Variants in KLRG1 observed in about 807,000 individuals in gnomAD.
The protein encoded by KLRG1 is killer cell lectin like receptor G1.
In KLRG1, 16 loss-of-function variants were observed where a neutral mutation model predicts 21.8. That is an observed-to-expected ratio of 0.73 (90% CI 0.50 to 1.11). The LOEUF (loss-of-function observed/expected upper bound fraction) is 1.11, where lower values mean the gene tolerates loss of function less well. KLRG1 is among the 50% of genes most tolerant of loss of function. The pLI is 0.00. For synonymous variants in KLRG1, 69 were observed against 75.9 expected, an observed-to-expected ratio of 0.91 and a Z score of 0.47; for missense variants, 173 against 218.3, an observed-to-expected ratio of 0.79 and a Z score of 1.31.
At chr12:9,161,748 T>C in the KLRG1 span, among the ~76,000 whole-genome samples, 1 of 152,200 alleles carries the variant, frequency 6.6e-6, no homozygotes, top group Non-Finnish European at 1.5e-5. Flanking sequence ...ACTGTGGACA[T>C]AGAACTAATA....
At chr12:9,193,688 T>C in the KLRG1 span, among the ~76,000 whole-genome samples, 2 of 152,178 alleles carry the variant, frequency 1.3e-5, no homozygotes, top group Non-Finnish European at 2.9e-5. Context: ...GGGAAATCTT[T>C]TGATCATCGT....
At chr12:9,098,578 C>T in the KLRG1 span, 154 of 1,575,876 alleles carry the variant, frequency 9.8e-5, 3 homozygotes, top group South Asian at 1.6e-3. Context: ...CACGGCCCTT[C>T]TTGATTCCTG....
the KLRG1 span, chr12:9,169,889 G>A: frequency 1.4e-5 from 3 of 211,104 alleles, no homozygotes; most frequent in Admixed American, 5.8e-5. Context: ...GAAAGAAGAC[G>A]TAACTTGCAT....
At chr12:9,200,355 G>T in the KLRG1 span, 4 of 1,564,946 alleles carry the variant, frequency 2.6e-6, no homozygotes, top group Non-Finnish European at 8.8e-7. Flanking sequence ...TAAAAACAAT[G>T]TAACTCACTC....
chr12:9,002,874 A>G (rs1043071733), intron 3 of KLRG1, among the ~76,000 whole-genome samples: 1 of 150,110 alleles, frequency 6.7e-6, no homozygotes. Context: ...ACCGATTTGT[A>G]CTTTCATGCT....
At chr12:9,071,747 T>A in the KLRG1 span, among the ~76,000 whole-genome samples, 2 of 152,306 alleles carry the variant, frequency 1.3e-5, no homozygotes, top group East Asian at 3.9e-4. Flanking sequence ...TCCATCTCCA[T>A]CCATGTTCCT....
intron 1 of KLRG1, among the ~76,000 whole-genome samples, chr12:8,980,987 C>G (rs1215864092): frequency 2.0e-5 from 3 of 152,178 alleles, no homozygotes; most frequent in Admixed American, 2.0e-4. Context: ...AAAATGCTTT[C>G]TACACTTTTC....
At chr12:9,163,516 G>T in the KLRG1 span, 2 of 839,728 alleles carry the variant, frequency 2.4e-6, no homozygotes, top group Non-Finnish European at 3.5e-6. Context: ...AGCTGGCAAT[G>T]TTGTCTGCTG....
At chr12:8,955,750 A>G (rs1000746198) in intron 1 of KLRG1, among the ~76,000 whole-genome samples, 1 of 151,926 alleles carries the variant, frequency 6.6e-6, no homozygotes, top group African/African-American at 2.4e-5. Context: ...AGAACTTAGT[A>G]TAAATGGACA....
the KLRG1 span, chr12:9,162,294 ACT>A: frequency 3.7e-6 from 1 of 269,250 alleles, no homozygotes; most frequent in African/African-American, 2.2e-5. Context: ...ATCCTGGGAC[ACT>A]CTAAGCTTCT....
intron 2 of KLRG1, among the ~76,000 whole-genome samples, chr12:8,994,649 G>T (rs1947075239): frequency 6.6e-6 from 1 of 152,032 alleles, no homozygotes; most frequent in Admixed American, 6.6e-5. Context: ...TTTCTTTTTG[G>T]CATTTTCAGT....
chr12:9,180,915 A>G, the KLRG1 span: 109 of 1,531,096 alleles, frequency 7.1e-5, no homozygotes, highest in African/African-American at 1.2e-3. Context: ...ACAAAGGGCT[A>G]ATAGAGGCTT....
At chr12:9,107,712 A>G in the KLRG1 span, 2 of 1,575,520 alleles carry the variant, frequency 1.3e-6, no homozygotes, top group African/African-American at 1.4e-5. Flanking sequence ...AGCTATTTAT[A>G]TCTCCCCTTT....
At chr12:8,999,156 CT>C (rs1330496370) in intron 3 of KLRG1, among the ~76,000 whole-genome samples, 1 of 151,904 alleles carries the variant, frequency 6.6e-6, no homozygotes, top group African/African-American at 2.4e-5. Context: ...TCAGCCCTTG[CT>C]TCTTCTTGCC....
the KLRG1 span, chr12:9,158,309 C>T: frequency 7.0e-7 from 1 of 1,434,496 alleles, no homozygotes; most frequent in Non-Finnish European, 9.6e-7. Context: ...TGCCATCCCA[C>T]ATCATCCAGG....
At chr12:9,158,310 A>G in the KLRG1 span, 3 of 1,439,988 alleles carry the variant, frequency 2.1e-6, no homozygotes, top group Non-Finnish European at 2.9e-6. Context: ...GCCATCCCAC[A>G]TCATCCAGGA....
chr12:9,210,072 A>G, the KLRG1 span, among the ~76,000 whole-genome samples: 4 of 152,184 alleles, frequency 2.6e-5, no homozygotes, highest in African/African-American at 9.6e-5. Flanking sequence ...TCTAGGGTAT[A>G]TAGCAGAGAT....
At chr12:9,082,142 A>G in the KLRG1 span, among the ~76,000 whole-genome samples, 3 of 152,230 alleles carry the variant, frequency 2.0e-5, no homozygotes, top group South Asian at 6.2e-4. Context: ...CAACTCAGCC[A>G]AAACCTCACT....
downstream of KLRG1, among the ~76,000 whole-genome samples, chr12:9,012,212 T>A (rs937585161): frequency 2.6e-5 from 4 of 152,256 alleles, no homozygotes; most frequent in East Asian, 7.7e-4. Flanking sequence ...TGGGAGAGAC[T>A]CCTTCCTTCC....
Sources: gnomAD v4.1 joint callset for allele counts (sites outside exome capture counted in the v4.1 genomes callset) on GRCh38, gnomAD v4.1.1 for gene constraint, MANE v1.5 for transcripts, NCBI Gene and HGNC (gene_info 2026-07-23, HGNC 2026-07-21) for gene names.